Variants in PTPRZ1 observed in about 807,000 individuals in gnomAD.
PTPRZ1 encodes receptor-type tyrosine-protein phosphatase zeta.
Under a neutral mutation model 214.1 loss-of-function variants are expected in PTPRZ1, and 82 were observed. That is an observed-to-expected ratio of 0.38 (90% CI 0.32 to 0.46). The LOEUF is 0.46. Ranked by LOEUF, PTPRZ1 falls within the 20% of genes least tolerant of loss-of-function variation. PTPRZ1 has a pLI of 1.00. For synonymous variants in PTPRZ1, 945 were observed against 987.9 expected (o/e 0.96, Z 0.81); for missense variants, 2,603 against 2,748.7 (o/e 0.95, Z 1.19).
intron 2 of PTPRZ1, among the ~76,000 whole-genome samples, chr7:121,952,986 T>G (rs1796604704): frequency 6.6e-6 from 1 of 151,884 alleles, no homozygotes; most frequent in South Asian, 2.1e-4. Flanking sequence ...TTGACACTAA[T>G]TAAAAAAAAA....
Position 122,010,998 on chromosome 7 carries a change from A to G in PTPRZ1, c.1952A>G (p.Asn651Ser). 6.2e-7 allele frequency: 1 copy of G among 1,614,138 alleles called. No homozygotes were observed. Among genetic ancestry groups the G allele is most frequent in the East Asian group, 2.2e-5 (1 of 44,880 alleles). The change falls in exon 12 of 30, where the codon AAT (asparagine) becomes AGT (serine). Residue 651 changes from asparagine (N) to serine (S), a missense_variant. Around this residue, in one of 6 missense-constraint regions of PTPRZ1, gnomAD observed 1,913 missense variants for 1,914.3 expected, o/e 1.00. Transcript: ENST00000393386. ...CTAAAGGATCCTTCTATGGAGGGAA[A>G]TGTGTGGTTTCCTAGCTCTACAGAC... ...ESLKDPSMEG[N>S]VWFPSSTDIT... is the part of the protein sequence containing the mutation.
intron 8 of PTPRZ1, among the ~76,000 whole-genome samples, chr7:121,985,102 C>T (rs547687085): frequency 5.9e-5 from 9 of 152,024 alleles, no homozygotes; most frequent in African/African-American, 1.9e-4. Context: ...TTCCAAGAAT[C>T]GTTTATCCTT....
At chr7:121,944,154 C>G (rs1796308647) in intron 2 of PTPRZ1, among the ~76,000 whole-genome samples, 1 of 152,084 alleles carries the variant, frequency 6.6e-6, no homozygotes, top group South Asian at 2.1e-4. Flanking sequence ...AGGGAAATTC[C>G]TGGCCTAGGT....
At chr7:121,919,775 A>G (rs1208914095) in intron 1 of PTPRZ1, among the ~76,000 whole-genome samples, 5 of 150,972 alleles carry the variant, frequency 3.3e-5, no homozygotes, top group African/African-American at 9.8e-5. Context: ...AGTAGGTTCT[A>G]TGTTAGTGCT....
chr7:121,892,675 ATC>A (rs1218090816), intron 1 of PTPRZ1, among the ~76,000 whole-genome samples: 4 of 94,564 alleles, frequency 4.2e-5, no homozygotes, highest in Non-Finnish European at 9.2e-5. Flanking sequence ...TTCTTCAAGC[ATC>A]TCATATATAT....
chr7:121,931,927 G>T (rs1795937861), intron 2 of PTPRZ1, among the ~76,000 whole-genome samples: 1 of 152,130 alleles, frequency 6.6e-6, no homozygotes, highest in Non-Finnish European at 1.5e-5. Context: ...GGTATTTGTT[G>T]TAGGGGGGTG....
intron 17 of PTPRZ1, 34 bp from the exon 18 acceptor site, chr7:122,036,566 T>A: frequency 7.2e-7 from 1 of 1,381,288 alleles, no homozygotes; most frequent in Non-Finnish European, 1.0e-6. Context: ...AAGTAGTCTG[T>A]GCTACAATGA....
chr7:122,039,690 T>C, intron 20 of PTPRZ1, 102 bp downstream of exon 20: 1 of 1,392,320 alleles, frequency 7.2e-7, no homozygotes, highest in Non-Finnish European at 9.7e-7. Flanking sequence ...AGCATATAAC[T>C]AAAGGCATTA....
In PTPRZ1 at chr7:122,012,576, G is replaced by C; in HGVS notation, c.3530G>C (p.Ser1177Thr). Residue 1177 changes from serine to threonine, a missense_variant, in exon 12 of 30, where the codon AGT becomes ACT. By Grantham distance (58) the Ser-to-Thr change is moderately conservative. Around this residue, in one of 6 missense-constraint regions of PTPRZ1, gnomAD observed 1,913 missense variants for 1,914.3 expected, o/e 1.00. Coordinates refer to ENST00000393386, the MANE Select transcript of PTPRZ1 (RefSeq NM_002851.3). ...TTTTATGAGACCTCAGCTTCTTTTA[G>C]TACTGAAGTATTGCTACAACCTTCC... ...LLFYETSASF[S>T]TEVLLQPSFQ... 6.2e-7 allele frequency: 1 copy of C among 1,613,174 alleles called. No homozygotes were observed.
At chr7:121,997,095 C>A (rs953571043) in intron 9 of PTPRZ1, among the ~76,000 whole-genome samples, 3 of 152,114 alleles carry the variant, frequency 2.0e-5, no homozygotes, top group East Asian at 1.9e-4. Context: ...CCAGCGCATG[C>A]GAATAAAGTA....
intron 1 of PTPRZ1, among the ~76,000 whole-genome samples, chr7:121,879,975 G>T (rs1794186332): frequency 6.6e-6 from 1 of 152,076 alleles, no homozygotes; most frequent in African/African-American, 2.4e-5. Context: ...TCAGCACCTT[G>T]ATGAAAAGTT....
Position 121,887,009 on chromosome 7 carries a change from C to T in PTPRZ1, c.58+13452C>T, listed in dbSNP as rs150410100. Among the ~76,000 whole-genome samples the T allele has an allele frequency of 3.0e-3, 457 of 152,174 alleles. 1 individual carries two copies. Among genetic ancestry groups the T allele is most frequent in the South Asian group, 0.011 (54 of 4,818 alleles). ...CTTCCCTTTGGCTCAATCTTTTCCT[C>T]GTCTTGGGGTGGATTTGGGCCCCAT... is the stretch of plus-strand genomic sequence containing the variant. On this transcript the variant is annotated intron_variant, in intron 1 of 29. Transcript: ENST00000393386.
At chr7:121,999,400 A>G (rs1348354228) in intron 10 of PTPRZ1, among the ~76,000 whole-genome samples, 2 of 152,304 alleles carry the variant, frequency 1.3e-5, no homozygotes, top group East Asian at 1.9e-4. Context: ...AACCATCACC[A>G]AAGTTCCTCA....
chr7:121,933,641 TC>T (rs1322026983), intron 2 of PTPRZ1, among the ~76,000 whole-genome samples: 2 of 152,184 alleles, frequency 1.3e-5, no homozygotes, highest in African/African-American at 4.8e-5. Context: ...AAATAGTCTT[TC>T]CATTTTGATA....
chr7:121,909,050 G>T, intron 1 of PTPRZ1: 1 of 466,108 alleles, frequency 2.1e-6, no homozygotes. Context: ...GAATCAATTT[G>T]CTTGCTCTCT....
chr7:121,951,912 T>C (rs1187910394), intron 2 of PTPRZ1, among the ~76,000 whole-genome samples: 3 of 152,130 alleles, frequency 2.0e-5, no homozygotes, highest in Non-Finnish European at 4.4e-5. Context: ...GCTGAAAAAG[T>C]AGACACAAGT....
Position 121,873,216 on chromosome 7 carries a change from T to C in PTPRZ1, c.-284T>C, listed in dbSNP as rs1341343393. ...GCAAAGTCCCGCACGCCGGAGGACATGCGCCTCGGCTAGCGGCCCCGGGCC... is the reference window on the plus strand; with the variant it reads ...GCAAAGTCCCGCACGCCGGAGGACACGCGCCTCGGCTAGCGGCCCCGGGCC... On this transcript the variant is annotated 5_prime_UTR_variant, in exon 1 of 30. An upstream start codon of the reference 5' UTR is lost. Coordinates refer to ENST00000393386, the MANE Select transcript of PTPRZ1 (RefSeq NM_002851.3). 2 of 426,460 alleles carry C rather than the reference T, an allele frequency of 4.7e-6. No individual in the cohort carries two copies. Among genetic ancestry groups the C allele is most frequent in the African/African-American group, 2.0e-5 (1 of 49,046 alleles). The allele number at this position is 426,460 out of a possible 1,614,324, so 26.4% of individuals were successfully genotyped here.
intron 27 of PTPRZ1, among the ~76,000 whole-genome samples, chr7:122,056,856 TG>T (rs1792365206): frequency 1.3e-5 from 2 of 151,884 alleles, no homozygotes; most frequent in African/African-American, 4.8e-5. Context: ...CCCTTGTCTT[TG>T]TTTTCCTTCA....
chr7:121,937,401 C>G (rs990621686), intron 2 of PTPRZ1, among the ~76,000 whole-genome samples: 17 of 152,130 alleles, frequency 1.1e-4, no homozygotes, highest in African/African-American at 4.1e-4. Context: ...CCAGGAGGAG[C>G]AGGTTCCCAG....
Sources: allele counts gnomAD v4.1 joint callset (sites outside exome capture counted in the v4.1 genomes callset), GRCh38; gene constraint gnomAD v4.1.1; regional missense constraint gnomAD v4.1.1; transcripts MANE v1.5; gene names NCBI Gene and HGNC (gene_info 2026-07-23, HGNC 2026-07-21).